Variants in IQSEC1 observed in about 807,000 individuals in gnomAD.
IQSEC1 encodes the protein IQ motif and Sec7 domain ArfGEF 1, also known as IQ motif and SEC7 domain-containing protein 1.
A neutral mutation model predicts 91.0 loss-of-function variants in IQSEC1; 31 were observed. The ratio of observed to expected loss-of-function variants is 0.34; its 90% confidence interval spans 0.26 to 0.46. The LOEUF (loss-of-function observed/expected upper bound fraction) is 0.46. IQSEC1 is among the 20% of genes least tolerant of loss of function. The probability of loss-of-function intolerance (pLI) is 1.00; values close to 1 mark genes in which losing one functional copy is unlikely to be tolerated. For missense variants in IQSEC1, 1,388 were observed against 1,575.6 expected (o/e 0.88, Z 2.02); for synonymous variants, 699 against 662.6 (o/e 1.05, Z -0.84).
rs1293273334 is a variant in IQSEC1, at chr3:12,901,327, G to A, written c.3001C>T (p.Leu1001=). 6.5e-7 allele frequency: 1 copy of A among 1,538,932 alleles called. No individual in the cohort carries two copies. The change falls in exon 14 of 14, where the codon CTG becomes TTG. Residue 1001 remains leucine, a synonymous_variant. Transcript: ENST00000613206. ...ALPPPHPPVV[L]PHLQHSVAGH... is the part of the protein sequence containing the mutation. ...GCCACAGAGTGCTGCAAGTGAGGCAGGACCACCGGTGGGTGGGGGGGTGGC... is the reference window on the plus strand; with the variant it reads ...GCCACAGAGTGCTGCAAGTGAGGCAAGACCACCGGTGGGTGGGGGGGTGGC...
chr3:12,925,125 G>A (rs539835944), intron 3 of IQSEC1, among the ~76,000 whole-genome samples: 5 of 152,088 alleles, frequency 3.3e-5, no homozygotes, highest in African/African-American at 7.2e-5. Context: ...GCCCCTTCTC[G>A]GCTGCCGGGC....
intron 1 of IQSEC1, among the ~76,000 whole-genome samples, chr3:13,188,987 C>A (rs1005704072): frequency 9.9e-5 from 15 of 152,208 alleles, no homozygotes; most frequent in Non-Finnish European, 1.5e-4. Context: ...CCTGGCAGCA[C>A]CCCCTCAGGA....
At chr3:13,175,518 A>G (rs1187213821) in intron 1 of IQSEC1, among the ~76,000 whole-genome samples, 1 of 152,140 alleles carries the variant, frequency 6.6e-6, no homozygotes, top group African/African-American at 2.4e-5. Flanking sequence ...AATGGCTCTA[A>G]AGCACATCCC....
chr3:12,986,329 G>A (rs1283271938), intron 1 of IQSEC1, among the ~76,000 whole-genome samples: 1 of 152,206 alleles, frequency 6.6e-6, no homozygotes, highest in Non-Finnish European at 1.5e-5. Context: ...TGCGCCAGAG[G>A]CAATGTGCCT....
intron 12 of IQSEC1, among the ~76,000 whole-genome samples, chr3:12,906,155 C>T (rs1046648326): frequency 1.3e-5 from 2 of 152,138 alleles, no homozygotes; most frequent in African/African-American, 2.4e-5. Context: ...GGATGGATGT[C>T]GAGTGCAGAC....
intron 1 of IQSEC1, among the ~76,000 whole-genome samples, chr3:13,269,340 G>T (rs956044135): frequency 6.6e-6 from 1 of 152,204 alleles, no homozygotes; most frequent in African/African-American, 2.4e-5. Context: ...CGCACTGCAG[G>T]GATGATTTTC....
At chr3:12,962,258 G>C (rs893746615) in intron 1 of IQSEC1, among the ~76,000 whole-genome samples, 1 of 152,200 alleles carries the variant, frequency 6.6e-6, no homozygotes, top group African/African-American at 2.4e-5. Context: ...CCCTTGCTAT[G>C]TTACTATGAG....
At chr3:13,056,250 C>T (rs1704876043) in intron 1 of IQSEC1, among the ~76,000 whole-genome samples, 1 of 152,158 alleles carries the variant, frequency 6.6e-6, no homozygotes, top group African/African-American at 2.4e-5. Context: ...TAGTCCAGTA[C>T]AGGCTTGGGG....
intron 1 of IQSEC1, among the ~76,000 whole-genome samples, chr3:12,977,412 G>A (rs1701237515): frequency 6.6e-6 from 1 of 151,846 alleles, no homozygotes; most frequent in South Asian, 2.1e-4. Flanking sequence ...GTATACTTCG[G>A]TTTCTTTCCT....
chr3:13,009,026 C>T (rs1473637843), intron 1 of IQSEC1, among the ~76,000 whole-genome samples: 3 of 152,212 alleles, frequency 2.0e-5, no homozygotes, highest in African/African-American at 4.8e-5. Flanking sequence ...TTTCTGAGAT[C>T]GACAGCCCTT....
intron 1 of IQSEC1, among the ~76,000 whole-genome samples, chr3:12,962,788 T>A (rs539775714): frequency 6.6e-6 from 1 of 151,964 alleles, no homozygotes; most frequent in Non-Finnish European, 1.5e-5. Flanking sequence ...TGCCGGAGAG[T>A]CTGGGGATGC....
At chr3:13,108,069 C>T (rs564109968) in intron 2 of IQSEC1, among the ~76,000 whole-genome samples, 2 of 152,182 alleles carry the variant, frequency 1.3e-5, no homozygotes, top group Non-Finnish European at 1.5e-5. Context: ...ATAACCCCAC[C>T]GCCTGGAACC....
At chr3:13,122,296 G>C (rs528484510) in intron 2 of IQSEC1, among the ~76,000 whole-genome samples, 1 of 152,272 alleles carries the variant, frequency 6.6e-6, no homozygotes, top group Non-Finnish European at 1.5e-5. Context: ...CCGGGACAGG[G>C]AGCGAGTCCA....
chr3:13,192,380 G>C (rs544093728), intron 1 of IQSEC1, among the ~76,000 whole-genome samples: 1 of 152,010 alleles, frequency 6.6e-6, no homozygotes, highest in Non-Finnish European at 1.5e-5. Flanking sequence ...CAGGGCTATT[G>C]CAGATGTCTT....
chr3:13,036,581 C>G (rs573600359), intron 1 of IQSEC1, among the ~76,000 whole-genome samples: 2 of 152,334 alleles, frequency 1.3e-5, no homozygotes, highest in African/African-American at 4.8e-5. Context: ...AGAGCCACTC[C>G]TCCCTGGACT....
rs542757328 is a variant in IQSEC1 at position 13,029,550 on chromosome 3, A to C, written c.23+43442T>G. 2.0e-5 allele frequency among the ~76,000 whole-genome samples: 3 copies of C among 152,344 alleles called. No homozygotes were observed. In the East Asian group the frequency reaches 5.8e-4, roughly 29 times the overall value. On this transcript the variant is annotated intron_variant, in intron 1 of 13. Transcript: ENST00000613206. ...TACCCCCTTCCTTAGACAAAGAAGAAAGCTGCTCCCTTCAATCTCCATTTT... is the reference window on the plus strand; with the variant it reads ...TACCCCCTTCCTTAGACAAAGAAGACAGCTGCTCCCTTCAATCTCCATTTT...
rs1576315009 is a variant in IQSEC1, at chr3:13,263,411, CTGA to C, written c.272+19297_272+19299del. On this transcript the variant is annotated intron_variant, in intron 1 of 15. Transcript: ENST00000648114. ...CCCTCCTTTGGGGGGAAAAAAGTAC[CTGA>C]CACTTTTTTTTTTGGGGGGGGGGGG... Among the ~76,000 whole-genome samples the C allele has an allele frequency of 2.2e-5, 3 of 134,966 alleles. No individual in the cohort carries two copies. In the East Asian group the frequency reaches 6.6e-4, roughly 30 times the overall value. 88.5% of individuals were successfully genotyped at this position (134,966 alleles called of 152,430 possible). A position where few individuals can be genotyped will look rare whatever the true frequency, so the allele number is the denominator to read the frequency against.
chr3:13,007,240 G>A (rs1702675674), intron 1 of IQSEC1, among the ~76,000 whole-genome samples: 1 of 152,262 alleles, frequency 6.6e-6, no homozygotes, highest in African/African-American at 2.4e-5. Context: ...CCTAGGAAGA[G>A]GGTCAGGGGA....
chr3:13,155,393 T>C (rs2124969598), intron 2 of IQSEC1, among the ~76,000 whole-genome samples: 1 of 152,318 alleles, frequency 6.6e-6, no homozygotes, highest in Non-Finnish European at 1.5e-5. Context: ...TTCAAATTCC[T>C]AGAAACACCA....
Sources: gnomAD v4.1 joint callset for allele counts (sites outside exome capture counted in the v4.1 genomes callset) on GRCh38, gnomAD v4.1.1 for gene constraint, MANE v1.5 for transcripts, NCBI Gene and HGNC (gene_info 2026-07-23, HGNC 2026-07-21) for gene names.